PIEZO2: variants seen among roughly 807,000 people sequenced by gnomAD.
PIEZO2 encodes the protein piezo type mechanosensitive ion channel component 2, also known as piezo-type mechanosensitive ion channel component 2.
Under a neutral mutation model 337.3 loss-of-function variants are expected in PIEZO2, and 172 were observed. That is an observed-to-expected ratio of 0.51 (90% CI 0.45 to 0.58). The LOEUF is 0.58. Among genes scored for constraint, PIEZO2 ranks in the 20% least tolerant of loss-of-function variants. The pLI is 0.00. For synonymous variants in PIEZO2, 1,251 were observed against 1,228.5 expected (o/e 1.02, Z -0.38); for missense variants, 3,028 against 3,391.3 (o/e 0.89, Z 2.66).
intron 9 of PIEZO2, among the ~76,000 whole-genome samples, chr18:10,801,716 G>A (rs566148922): frequency 5.3e-5 from 8 of 152,020 alleles, no homozygotes; most frequent in South Asian, 2.1e-4. Context: ...AAGAATAAGC[G>A]CTTAGTTTTG....
intron 7 of PIEZO2, among the ~76,000 whole-genome samples, chr18:10,809,519 T>C (rs1291598659): frequency 6.6e-6 from 1 of 151,640 alleles, no homozygotes; most frequent in Admixed American, 6.6e-5. Flanking sequence ...CCGCCCACCT[T>C]GGCCTCCCAA....
intron 1 of PIEZO2, among the ~76,000 whole-genome samples, chr18:11,144,091 T>C (rs1252272896): frequency 6.6e-6 from 1 of 152,154 alleles, no homozygotes; most frequent in African/African-American, 2.4e-5. Flanking sequence ...TCCTCAAAGG[T>C]GAAGTCCAAA....
chr18:10,724,695 T>C lies in PIEZO2; in HGVS notation c.5030-6436A>G, dbSNP rs1180866392. The C allele has an allele frequency of 6.7e-6, 8 of 1,195,588 alleles. No individual in the cohort carries two copies. Among genetic ancestry groups the C allele is most frequent in the Non-Finnish European group, 9.5e-6 (8 of 840,772 alleles). 74.1% of individuals were successfully genotyped at this position (1,195,588 alleles called of 1,614,324 possible). On this transcript the variant is annotated intron_variant, in intron 36 of 55. Coordinates refer to ENST00000674853, the MANE Select transcript of PIEZO2 (RefSeq NM_001378183.1). The surrounding 1 kb of genome is among the most constrained non-coding windows in gnomAD (Gnocchi z 5.8). ...CTACCAGTCTGCTGTCCCTGCGTCA[T>C]AGGCTGAAGCACTCAGACCGAGATG...
In PIEZO2 at chr18:11,094,903, G is replaced by GA. The variant is rs1319436457; in HGVS notation, c.65-28682dup. Reference sequence around the variant, plus strand: ...ATGGCCTGACTGAAAGCCATCTGAGGAACTCTGTCCCCTCTTCCTACAGCT... The same window carrying GA: ...ATGGCCTGACTGAAAGCCATCTGAGGAAACTCTGTCCCCTCTTCCTACAGCT... On this transcript the variant is annotated intron_variant, in intron 1 of 55. Coordinates refer to ENST00000674853, the MANE Select transcript of PIEZO2 (RefSeq NM_001378183.1). The surrounding 1 kb of genome is among the most constrained non-coding windows in gnomAD (Gnocchi z 4.4). 1.3e-5 allele frequency among the ~76,000 whole-genome samples: 2 copies of GA among 152,178 alleles called. No individual in the cohort carries two copies. Among genetic ancestry groups the GA allele is most frequent in the African/African-American group, 2.4e-5 (1 of 41,448 alleles).
intron 7 of PIEZO2, among the ~76,000 whole-genome samples, chr18:10,810,961 G>GGA: frequency 6.6e-6 from 1 of 152,254 alleles, no homozygotes; most frequent in East Asian, 1.9e-4. Flanking sequence ...CAGCTGTTCA[G>GGA]GATGCATAAT....
At chr18:10,852,829 G>C (rs530027073) in intron 7 of PIEZO2, among the ~76,000 whole-genome samples, 24 of 152,260 alleles carry the variant, frequency 1.6e-4, no homozygotes, top group Admixed American at 5.9e-4. Flanking sequence ...AGGCATGAGT[G>C]GGGCAGGAGA....
At position 10,784,340 on chromosome 18, in the gene PIEZO2, A is replaced by C. The variant is rs943178272; in HGVS notation, c.2492+444T>G. ...TTGCAGATTCTGTTTTTTCAGCCAA[A>C]GTTCTTTATTTCCAAAGTGGAAGGG... On this transcript the variant is annotated intron_variant, in intron 17 of 55. Coordinates refer to ENST00000674853, the MANE Select transcript of PIEZO2 (RefSeq NM_001378183.1). This position sits in a 1 kb window ranked among gnomAD's most constrained non-coding sequence, Gnocchi z 4.5. 1.3e-5 allele frequency among the ~76,000 whole-genome samples: 2 copies of C among 152,198 alleles called. No individual in the cohort carries two copies.
chr18:10,867,791 T>C lies in PIEZO2; in HGVS notation c.492+3462A>G, dbSNP rs192549075. ...TAACTCTTTTCTACTCAATTTAATC[T>C]TCATAATACAACTCTTCTTATTTAA... On this transcript the variant is annotated intron_variant, in intron 5 of 55. Coordinates refer to ENST00000674853, the MANE Select transcript of PIEZO2 (RefSeq NM_001378183.1). Among the ~76,000 whole-genome samples, 13 of 152,376 alleles carry C rather than the reference T, an allele frequency of 8.5e-5. No homozygotes were observed. The East Asian group carries it at 2.5e-3, about 29-fold the overall frequency.
intron 5 of PIEZO2, among the ~76,000 whole-genome samples, chr18:10,858,541 C>T (rs965786742): frequency 2.0e-5 from 3 of 152,058 alleles, no homozygotes; most frequent in Non-Finnish European, 4.4e-5. Flanking sequence ...TAGGGTCTGG[C>T]CTCTCCATGT....
In PIEZO2 at chr18:10,716,672, A is replaced by G. The variant is rs1025970753; in HGVS notation, c.5090-856T>C. ...CTCTCCGCCCCTCCTCACATCCTTTATAAAATCTCAAGCAAGGTATGTATT... is the reference window on the plus strand; with the variant it reads ...CTCTCCGCCCCTCCTCACATCCTTTGTAAAATCTCAAGCAAGGTATGTATT... On this transcript the variant is annotated intron_variant, in intron 37 of 55. Transcript: ENST00000674853. This position sits in a 1 kb window ranked among gnomAD's most constrained non-coding sequence, Gnocchi z 4.1. Among the ~76,000 whole-genome samples the G allele has an allele frequency of 2.0e-5, 3 of 152,184 alleles. No homozygotes were observed. The highest frequency in any genetic ancestry group is 4.4e-5 in the Non-Finnish European group (3 of 68,032).
intron 21 of PIEZO2, among the ~76,000 whole-genome samples, chr18:10,765,578 C>A (rs893378755): frequency 9.9e-5 from 15 of 152,102 alleles, no homozygotes; most frequent in Non-Finnish European, 2.9e-5. Flanking sequence ...TAAGAGTAAT[C>A]TAAAGGGCAA....
chr18:11,091,545 T>C (rs2039092033), intron 1 of PIEZO2, among the ~76,000 whole-genome samples: 1 of 152,170 alleles, frequency 6.6e-6, no homozygotes, highest in Non-Finnish European at 1.5e-5. Context: ...TTAGACAAAT[T>C]ACTTAACAAA....
intron 27 of PIEZO2, among the ~76,000 whole-genome samples, chr18:10,753,994 T>C (rs2037745045): frequency 6.6e-6 from 1 of 152,106 alleles, no homozygotes. Flanking sequence ...TTCTGAAGTG[T>C]GTGTGGTTTG....
Position 10,691,782 on chromosome 18 carries a change from C to CACACACACACACATATATAT in PIEZO2, c.7191-400_7191-399insATATATATGTGTGTGTGTGT. Among the ~76,000 whole-genome samples the CACACACACACACATATATAT allele has an allele frequency of 1.7e-4, 16 of 96,608 alleles. 1 individual carries two copies. The highest frequency in any genetic ancestry group is 6.9e-4 in the Admixed American group (6 of 8,754). The allele number at this position is 96,608 out of a possible 152,430, so 63.4% of individuals were successfully genotyped here. The stretch of plus-strand genomic sequence containing the variant: ...AAATATATATAAACACACACACACA[C>CACACACACACACATATATAT]ATATATATATATATATATAGAGAGA... On this transcript the variant is annotated intron_variant, in intron 47 of 55. Transcript: ENST00000674853.
rs113371336 is a variant in PIEZO2, at chr18:11,035,314, C to CCTCTCTCTCTCTCT, written c.160+30799_160+30812dup. Among the ~76,000 whole-genome samples the CCTCTCTCTCTCTCT allele has an allele frequency of 6.7e-6, 1 of 149,784 alleles. No individual in the cohort carries two copies. Among genetic ancestry groups the CCTCTCTCTCTCTCT allele is most frequent in the African/African-American group, 2.4e-5 (1 of 40,908 alleles). ...AAGCCTGGCACCTTCTCTCTCTCTC[C>CCTCTCTCTCTCTCT]CTCTCTCTCTCTCTCTCTCTTTCTC... On this transcript the variant is annotated intron_variant, in intron 2 of 55. Coordinates refer to ENST00000674853, the MANE Select transcript of PIEZO2 (RefSeq NM_001378183.1). This position sits in a 1 kb window ranked among gnomAD's most constrained non-coding sequence, Gnocchi z 4.3.
chr18:10,720,403 GTA>G (rs1347653374), intron 36 of PIEZO2, among the ~76,000 whole-genome samples: 4,948 of 16,606 alleles, frequency 0.3, 564 homozygotes, highest in South Asian at 0.36. Context: ...GTGTGTGTGT[GTA>G]TGTGTATGTG....
chr18:10,898,299 T>C (rs1186431891), intron 4 of PIEZO2, among the ~76,000 whole-genome samples: 1 of 152,104 alleles, frequency 6.6e-6, no homozygotes, highest in Non-Finnish European at 1.5e-5. Context: ...CAGGTGCCTG[T>C]AGTCCCAGCT....
At position 10,846,122 on chromosome 18, in the gene PIEZO2, G is replaced by A. The variant is rs1318248117; in HGVS notation, c.917+9231C>T. Among the ~76,000 whole-genome samples, 19 of 152,214 alleles carry A rather than the reference G, an allele frequency of 1.2e-4. No homozygotes were observed. Among genetic ancestry groups the A allele is most frequent in the Non-Finnish European group, 2.9e-5 (2 of 68,046 alleles). ...TTAGTCCATTGTCACACTGCTGAAA[G>A]TGACATACCCAAGACTTGGCAATTT... On this transcript the variant is annotated intron_variant, in intron 7 of 55. Coordinates refer to ENST00000674853, the MANE Select transcript of PIEZO2 (RefSeq NM_001378183.1). This position sits in a 1 kb window ranked among gnomAD's most constrained non-coding sequence, Gnocchi z 4.1.
intron 1 of PIEZO2, among the ~76,000 whole-genome samples, chr18:11,133,315 T>C (rs2040390256): frequency 6.6e-6 from 1 of 152,186 alleles, no homozygotes; most frequent in East Asian, 1.9e-4. Context: ...AGTTGTGTTA[T>C]GGTAGGCGTT....
Sources: gnomAD v4.1 joint callset for allele counts (sites outside exome capture counted in the v4.1 genomes callset) on GRCh38, gnomAD v4.1.1 for gene constraint, Gnocchi (gnomAD v3.1) non-coding constraint, MANE v1.5 for transcripts, NCBI Gene and HGNC (gene_info 2026-07-23, HGNC 2026-07-21) for gene names.